Variants in BDP1 observed in about 807,000 individuals in gnomAD.
BDP1 encodes transcription factor TFIIIB component B'' homolog.
A neutral mutation model predicts 266.6 loss-of-function variants in BDP1; 169 were observed. The observed-to-expected ratio is 0.63, with a 90% CI of 0.56 to 0.72. The LOEUF (loss-of-function observed/expected upper bound fraction) is 0.72. BDP1 is among the 30% of genes least tolerant of loss of function. BDP1 has a pLI of 0.00. For missense variants in BDP1, 3,015 were observed against 3,053.8 expected, an observed-to-expected ratio of 0.99 and a Z score of 0.30; for synonymous variants, 1,090 against 1,022.4, an observed-to-expected ratio of 1.07 and a Z score of -1.26.
In BDP1 at chr5:71,566,401, G is replaced by A. The variant is rs1323842787; in HGVS notation, c.*1516G>A. 1 of 152,122 alleles carries A rather than the reference G, an allele frequency of 6.6e-6. No individual in the cohort carries two copies. Among genetic ancestry groups the A allele is most frequent in the Non-Finnish European group, 1.5e-5 (1 of 68,022 alleles). The allele number at this position is 152,122 out of a possible 1,614,324, so 9.4% of individuals were successfully genotyped here. On this transcript the variant is annotated 3_prime_UTR_variant, in exon 39 of 39. Coordinates refer to ENST00000358731, the MANE Select transcript of BDP1 (RefSeq NM_018429.3). ...TGATTATCATCAGTATGAATTTAAG[G>A]TTTGTTTTAATTTCAAGATTTGATT...
intron 30 of BDP1, 108 bp from the exon 31 acceptor site, chr5:71,544,249 G>A: frequency 1.0e-6 from 1 of 998,618 alleles, no homozygotes; most frequent in Non-Finnish European, 1.5e-6. Context: ...GAGAAGTTTG[G>A]AAGAGTCACT....
chr5:71,558,859 C>T (rs1743425777), intron 36 of BDP1, among the ~76,000 whole-genome samples: 3 of 147,546 alleles, frequency 2.0e-5, no homozygotes, highest in Admixed American at 1.4e-4. Flanking sequence ...AAAAAAACCC[C>T]ACACATATAA....
intron 20 of BDP1, 49 bp from the exon 21 acceptor site, chr5:71,516,012 A>G (rs1483941347): frequency 1.5e-6 from 2 of 1,361,484 alleles, no homozygotes; most frequent in Non-Finnish European, 2.0e-6. Flanking sequence ...ATTAGTTTTC[A>G]GCTTTTTACA....
At position 71,565,069 on chromosome 5, in the gene BDP1, A is replaced by G. The variant is rs112968988; in HGVS notation, c.*184A>G. 1 of 563,292 alleles carries G rather than the reference A, an allele frequency of 1.8e-6. No individual in the cohort carries two copies. Among genetic ancestry groups the G allele is most frequent in the Non-Finnish European group, 3.0e-6 (1 of 330,012 alleles). 34.9% of individuals were successfully genotyped at this position (563,292 alleles called of 1,614,324 possible). The stretch of plus-strand genomic sequence containing the variant: ...GGAAAACATTTCTGAGGTTCCTTTC[A>G]TTCTGACTGATTCAGCATTTTGCAA... On this transcript the variant is annotated 3_prime_UTR_variant, in exon 39 of 39. Coordinates refer to ENST00000358731, the MANE Select transcript of BDP1 (RefSeq NM_018429.3).
intron 18 of BDP1, among the ~76,000 whole-genome samples, chr5:71,512,943 T>G (rs992246778): frequency 6.6e-6 from 1 of 151,182 alleles, no homozygotes; most frequent in African/African-American, 2.4e-5. Context: ...ATGCCTGTAG[T>G]CCCAGCTACT....
intron 19 of BDP1, among the ~76,000 whole-genome samples, chr5:71,513,721 T>C (rs1765066916): frequency 6.6e-6 from 1 of 152,018 alleles, no homozygotes; most frequent in Non-Finnish European, 1.5e-5. Context: ...TTTTTATTTT[T>C]TTTATTTTTA....
At chr5:71,568,110 A>C (rs1353527486), downstream of BDP1, among the ~76,000 whole-genome samples, 1 of 151,982 alleles carries the variant, frequency 6.6e-6, no homozygotes, top group Non-Finnish European at 1.5e-5. Context: ...GCCCCACCAC[A>C]CTCCAGCCTG....
intron 38 of BDP1, chr5:71,562,773 A>G (rs1213224483): frequency 4.4e-5 from 61 of 1,381,782 alleles, no homozygotes; most frequent in Non-Finnish European, 4.3e-5. Context: ...CCTTTAATCT[A>G]GAGACCCTTC....
chr5:71,483,939 C>G (rs1763109878), intron 8 of BDP1, 43 bp downstream of exon 8: 1 of 1,450,108 alleles, frequency 6.9e-7, no homozygotes. Flanking sequence ...CTTGAAGAGC[C>G]TAAAAAATGA....
In BDP1 at chr5:71,512,253, G is replaced by A. The variant is rs1320929035; in HGVS notation, c.4072G>A (p.Glu1358Lys). The change falls in exon 18 of 39, where the codon GAA becomes AAA. Residue 1358 changes from glutamate to lysine, a missense_variant. Physicochemically the swap from Glu to Lys is moderately conservative, Grantham distance 56. Around this residue, in one of 3 missense-constraint regions of BDP1, gnomAD observed 2,383 missense variants for 2,404.9 expected, o/e 0.99. Coordinates refer to ENST00000358731, the MANE Select transcript of BDP1 (RefSeq NM_018429.3). ...PSLDIQNISS[E>K]VLSMMHTPVE... ...ACTGTTCCTCTAGAACATTAGCAGT[G>A]AAGTACTGTCGATGATGCATACACC... The A allele has an allele frequency of 6.6e-7, 1 of 1,511,348 alleles. No homozygotes were observed. Among genetic ancestry groups the A allele is most frequent in the South Asian group, 1.4e-5 (1 of 70,470 alleles). The allele number at this position is 1,511,348 out of a possible 1,614,324, so 93.6% of individuals were successfully genotyped here.
In BDP1 at chr5:71,455,966, G is replaced by T. The variant is rs776393859; in HGVS notation, c.89G>T (p.Gly30Val). The change falls in exon 1 of 39, where the codon GGA becomes GTA. Residue 30 changes from glycine (G) to valine (V), a missense_variant. Gly to Val is a moderately radical substitution (Grantham distance 109). This residue lies in a region of BDP1 where 2,383 missense variants were observed against 2,404.9 expected (regional missense o/e 0.99). Transcript: ENST00000358731. ...RGSTASNPQRGRESPRPPDPA... is the reference protein window; with the variant it reads ...RGSTASNPQRVRESPRPPDPA... ...TCCACAGCTTCCAATCCCCAGCGTG[G>T]ACGGGAGTCTCCCAGGCCGCCGGAT... The T allele has an allele frequency of 6.2e-7, 1 of 1,613,306 alleles. No individual in the cohort carries two copies. The highest frequency in any genetic ancestry group is 8.5e-7 in the Non-Finnish European group (1 of 1,179,888).
At chr5:71,543,847 C>T (rs1767115391) in intron 30 of BDP1, among the ~76,000 whole-genome samples, 1 of 152,160 alleles carries the variant, frequency 6.6e-6, no homozygotes, top group African/African-American at 2.4e-5. Flanking sequence ...TGGGGTTATT[C>T]ACAATATTGC....
intron 28 of BDP1, among the ~76,000 whole-genome samples, chr5:71,540,277 T>A (rs1766885012): frequency 8.4e-6 from 1 of 119,742 alleles, no homozygotes; most frequent in Admixed American, 7.7e-5. Context: ...TCATTTTATT[T>A]ACTTATTTAT....
intron 13 of BDP1, among the ~76,000 whole-genome samples, chr5:71,499,645 C>A (rs953359274): frequency 2.6e-5 from 4 of 151,966 alleles, no homozygotes; most frequent in African/African-American, 9.7e-5. Flanking sequence ...TAAAAAAAAA[C>A]CCTTTTCCTC....
intron 26 of BDP1, among the ~76,000 whole-genome samples, chr5:71,532,928 C>A (rs1480322003): frequency 1.3e-5 from 2 of 152,196 alleles, no homozygotes; most frequent in Non-Finnish European, 2.9e-5. Flanking sequence ...GCAGTCACTA[C>A]TCCTTTCCTC....
chr5:71,477,024 T>TA (rs1255405184), intron 7 of BDP1, among the ~76,000 whole-genome samples: 3 of 151,662 alleles, frequency 2.0e-5, no homozygotes, highest in Non-Finnish European at 2.9e-5. Flanking sequence ...TTTTTTTTTT[T>TA]AAGTAGAGAT....
chr5:71,496,416 A>AT (rs1158038296), intron 12 of BDP1, among the ~76,000 whole-genome samples: 3 of 150,276 alleles, frequency 2.0e-5, no homozygotes, highest in Non-Finnish European at 2.9e-5. Context: ...TCACACACAC[A>AT]TACACATTTA....
chr5:71,536,270 G>A (rs1023411729), intron 26 of BDP1, among the ~76,000 whole-genome samples: 2 of 151,988 alleles, frequency 1.3e-5, no homozygotes, highest in Non-Finnish European at 2.9e-5. Context: ...AAGTTACTCT[G>A]GTGACTTTCC....
At chr5:71,525,142 C>G (rs1765723193) in intron 25 of BDP1, among the ~76,000 whole-genome samples, 1 of 152,222 alleles carries the variant, frequency 6.6e-6, no homozygotes, top group Non-Finnish European at 1.5e-5. Flanking sequence ...TCTCAATGAG[C>G]TGTTGAGTAC....
Sources: gnomAD v4.1 joint callset for allele counts (sites outside exome capture counted in the v4.1 genomes callset) on GRCh38, gnomAD v4.1.1 for gene constraint, gnomAD v4.1.1 regional missense constraint, MANE v1.5 for transcripts, NCBI Gene and HGNC (gene_info 2026-07-23, HGNC 2026-07-21) for gene names.